PCYT1A: variants seen among roughly 807,000 people sequenced by gnomAD.
The protein encoded by PCYT1A is phosphate cytidylyltransferase 1A, choline, also known as choline-phosphate cytidylyltransferase A.
A neutral mutation model predicts 43.7 loss-of-function variants in PCYT1A; 25 were observed. That is an observed-to-expected ratio of 0.57 (90% CI 0.42 to 0.80). The LOEUF (loss-of-function observed/expected upper bound fraction) is 0.80, where lower values mean the gene tolerates loss of function less well. Ranked by LOEUF, PCYT1A falls within the 30% of genes least tolerant of loss-of-function variation. The pLI, the probability that PCYT1A is intolerant of heterozygous loss-of-function variation, is 0.00. For synonymous variants in PCYT1A, 172 were observed against 170.7 expected, an observed-to-expected ratio of 1.01 and a Z score of -0.06; for missense variants, 421 against 474.2, an observed-to-expected ratio of 0.89 and a Z score of 1.04.
rs1220394577 is a variant in PCYT1A, at chr3:196,236,050, T to A, written c.*2638A>T. On this transcript the variant is annotated 3_prime_UTR_variant, in exon 9 of 9. Coordinates refer to ENST00000431016, the MANE Select transcript of PCYT1A (RefSeq NM_001312673.2). ...CAAAAGGGGAAAGGGAGTTTCCCAA[T>A]AACATGTACGTTTGCTGGCCCTAGC... The A allele has an allele frequency of 2.0e-5, 3 of 152,162 alleles. No homozygotes were observed. Among genetic ancestry groups the A allele is most frequent in the African/African-American group, 7.2e-5 (3 of 41,440 alleles). The allele number at this position is 152,162 out of a possible 1,614,324, so 9.4% of individuals were successfully genotyped here.
intron 7 of PCYT1A, chr3:196,240,664 C>G (rs1724321891): frequency 6.6e-6 from 1 of 152,076 alleles, no homozygotes; most frequent in African/African-American, 2.4e-5. Context: ...GTACTCTGGC[C>G]TGGATGACTG....
chr3:196,244,217 C>T (rs2108764115), intron 5 of PCYT1A, among the ~76,000 whole-genome samples: 2 of 149,622 alleles, frequency 1.3e-5, no homozygotes, highest in South Asian at 4.3e-4. Flanking sequence ...GCGCCTCTGC[C>T]CGGCCACGAC....
intron 5 of PCYT1A, among the ~76,000 whole-genome samples, chr3:196,244,651 A>C (rs1318596401): frequency 6.6e-6 from 1 of 152,218 alleles, no homozygotes; most frequent in Non-Finnish European, 1.5e-5. Flanking sequence ...CGAATAGAAA[A>C]GGGGGAAATG....
intron 7 of PCYT1A, chr3:196,241,357 G>T: frequency 6.1e-6 from 1 of 163,638 alleles, no homozygotes; most frequent in Non-Finnish European, 1.3e-5. Context: ...TTTTTTGTTT[G>T]TCTGTTTGTT....
At chr3:196,256,797 T>C (rs1238012266) in intron 3 of PCYT1A, among the ~76,000 whole-genome samples, 2 of 152,158 alleles carry the variant, frequency 1.3e-5, no homozygotes, top group Non-Finnish European at 2.9e-5. Context: ...CCCGCCTTGG[T>C]GTCCAAAGTG....
At chr3:196,241,481 A>AT (rs752893792) in intron 7 of PCYT1A, 6 of 1,284,218 alleles carry the variant, frequency 4.7e-6, no homozygotes, top group South Asian at 3.7e-5. Context: ...GCCCAGAAAA[A>AT]TATATAGAGT....
chr3:196,268,313 C>A lies in PCYT1A; in HGVS notation c.117+2102G>T, dbSNP rs1275042186. On this transcript the variant is annotated intron_variant, in intron 2 of 8. Transcript: ENST00000431016. The surrounding 1 kb of genome is among the most constrained non-coding windows in gnomAD (Gnocchi z 4.4). Reference sequence around the variant, plus strand: ...AGTGATGTTGCTGAATTGGTACACACCACCATTTCTTTAATCTGAATTATC... The same window carrying A: ...AGTGATGTTGCTGAATTGGTACACAACACCATTTCTTTAATCTGAATTATC... Among the ~76,000 whole-genome samples the A allele has an allele frequency of 6.6e-6, 1 of 152,168 alleles. No homozygotes were observed.
intron 1 of PCYT1A, among the ~76,000 whole-genome samples, chr3:196,283,166 C>T (rs1466070210): frequency 2.0e-5 from 3 of 152,170 alleles, no homozygotes; most frequent in South Asian, 2.1e-4. Flanking sequence ...GATGAAACCC[C>T]GTCTCTACTA....
In PCYT1A at chr3:196,235,642, C is replaced by T. The variant is rs1324463415; in HGVS notation, c.*3046G>A. ...GCGCCGGCACCTCCCCGGCTCTGGC[C>T]TTCTAATGTCTCACACACAGAGGCT... is the stretch of plus-strand genomic sequence containing the variant. On this transcript the variant is annotated 3_prime_UTR_variant, in exon 9 of 9. Coordinates refer to ENST00000431016, the MANE Select transcript of PCYT1A (RefSeq NM_001312673.2). This position sits in a 1 kb window ranked among gnomAD's most constrained non-coding sequence, Gnocchi z 4.3. 7.9e-5 allele frequency: 12 copies of T among 152,336 alleles called. No individual in the cohort carries two copies. Among genetic ancestry groups the T allele is most frequent in the Admixed American group, 6.5e-4 (10 of 15,290 alleles). 9.4% of individuals were successfully genotyped at this position (152,336 alleles called of 1,614,324 possible). A position where few individuals can be genotyped will look rare whatever the true frequency, so the allele number is the denominator to read the frequency against.
intron 8 of PCYT1A, among the ~76,000 whole-genome samples, chr3:196,239,221 G>C (rs1370549572): frequency 6.6e-6 from 1 of 152,152 alleles, no homozygotes; most frequent in Admixed American, 6.6e-5. Context: ...TTGTAGTGGA[G>C]GCTGCTTTCT....
intron 2 of PCYT1A, among the ~76,000 whole-genome samples, chr3:196,267,679 T>A (rs895973384): frequency 1.6e-4 from 24 of 151,442 alleles, no homozygotes; most frequent in African/African-American, 5.8e-4. Flanking sequence ...ATCACACCAC[T>A]GCACTGCAGC....
intron 2 of PCYT1A, among the ~76,000 whole-genome samples, chr3:196,266,398 A>G (rs1725276496): frequency 2.0e-5 from 3 of 151,688 alleles, no homozygotes. Flanking sequence ...GCGTGAACCC[A>G]GGAGGCGGAG....
chr3:196,262,043 G>A (rs1460885886), intron 2 of PCYT1A, among the ~76,000 whole-genome samples: 1 of 152,160 alleles, frequency 6.6e-6, no homozygotes, highest in Non-Finnish European at 1.5e-5. Context: ...AAAACACTGT[G>A]TTATTCTCAA....
At chr3:196,285,185 C>T (rs1030111024) in intron 1 of PCYT1A, among the ~76,000 whole-genome samples, 3 of 152,140 alleles carry the variant, frequency 2.0e-5, no homozygotes, top group East Asian at 1.9e-4. Flanking sequence ...TAAGGCCAGG[C>T]GTGGTGGTCA....
At chr3:196,255,704 A>T (rs1724930785) in intron 3 of PCYT1A, among the ~76,000 whole-genome samples, 2 of 152,178 alleles carry the variant, frequency 1.3e-5, no homozygotes, top group African/African-American at 4.8e-5. Context: ...AAAACAAAAC[A>T]AAACAAAAGA....
chr3:196,244,209 G>A (rs1173404250), intron 5 of PCYT1A, among the ~76,000 whole-genome samples: 3 of 144,768 alleles, frequency 2.1e-5, no homozygotes, highest in Non-Finnish European at 4.5e-5. Flanking sequence ...GGTGAGGAGC[G>A]CCTCTGCCCG....
intron 2 of PCYT1A, among the ~76,000 whole-genome samples, chr3:196,270,022 C>T (rs777608956): frequency 3.9e-5 from 6 of 152,088 alleles, no homozygotes; most frequent in African/African-American, 7.2e-5. Context: ...TACAGGCATG[C>T]GCCACCACGC....
At chr3:196,254,812 T>C (rs1724905000) in intron 3 of PCYT1A, among the ~76,000 whole-genome samples, 1 of 152,242 alleles carries the variant, frequency 6.6e-6, no homozygotes, top group African/African-American at 2.4e-5. Flanking sequence ...TTTCAGTTAA[T>C]GATCTCTTTT....
chr3:196,273,373 A>G lies in PCYT1A; in HGVS notation c.-10-2832T>C, dbSNP rs911174845. ...CGTGTTTCGGCTCTGTTTGTGTTTC[A>G]GCTCTTTCAGTCCCACCATTTGGCA... is the stretch of plus-strand genomic sequence containing the variant. On this transcript the variant is annotated intron_variant, in intron 1 of 8. Coordinates refer to ENST00000431016, the MANE Select transcript of PCYT1A (RefSeq NM_001312673.2). This position sits in a 1 kb window ranked among gnomAD's most constrained non-coding sequence, Gnocchi z 4.1. Among the ~76,000 whole-genome samples the G allele has an allele frequency of 2.0e-5, 3 of 152,082 alleles. No homozygotes were observed. The highest frequency in any genetic ancestry group is 2.0e-4 in the Admixed American group (3 of 15,266).
Sources: gnomAD v4.1 joint callset for allele counts (sites outside exome capture counted in the v4.1 genomes callset) on GRCh38, gnomAD v4.1.1 for gene constraint, Gnocchi (gnomAD v3.1) non-coding constraint, MANE v1.5 for transcripts, NCBI Gene and HGNC (gene_info 2026-07-23, HGNC 2026-07-21) for gene names.